The following DCST2 variants were observed in gnomAD, a reference collection of about 807,000 sequenced individuals.
The protein encoded by DCST2 is DC-STAMP domain-containing protein 2.
DCST2 carries 64 observed loss-of-function variants against 81.8 expected under a neutral mutation model. That is an observed-to-expected ratio of 0.78 (90% CI 0.64 to 0.96). DCST2 has a LOEUF of 0.96. DCST2 is among the 40% of genes least tolerant of loss of function. The pLI, the probability that DCST2 is intolerant of heterozygous loss-of-function variation, is 0.00. For missense variants in DCST2, 945 were observed against 1,001.4 expected (o/e 0.94, Z 0.76); for synonymous variants, 354 against 402.6 (o/e 0.88, Z 1.44).
In DCST2 at chr1:155,031,907, C is replaced by CACTA. The variant is rs1660097939; in HGVS notation, c.542-140_542-137dup. ...ACCTGGCTGTGCTGTGTCCAGTGAA[C>CACTA]ACTAGCCAGCGCCCAGAAGGGGCCC... On this transcript the variant is annotated intron_variant, in intron 3 of 14. Transcript: ENST00000368424. The CACTA allele has an allele frequency of 1.1e-5, 10 of 900,440 alleles. No homozygotes were observed. In the Admixed American group the frequency reaches 1.1e-4, roughly 10 times the overall value. 55.8% of individuals were successfully genotyped at this position (900,440 alleles called of 1,614,324 possible). A position where few individuals can be genotyped will look rare whatever the true frequency, so the allele number is the denominator to read the frequency against.
chr1:155,023,374 C>T lies in DCST2; in HGVS notation c.1954G>A (p.Asp652Asn). Residue 652 changes from aspartate (D) to asparagine (N), a missense_variant, in exon 13 of 15, where the codon GAC (aspartate) becomes AAC (asparagine). Coordinates refer to ENST00000368424, the MANE Select transcript of DCST2 (RefSeq NM_144622.3). ...ASPLSYQGDL[D>N]LELDSSDEEG... Reference sequence around the variant, plus strand: ...CACTGAAAGACTCACAGCTCCAGGTCCAGGTCCCCCTGGTAGGAGAGGGGA... The same window carrying T: ...CACTGAAAGACTCACAGCTCCAGGTTCAGGTCCCCCTGGTAGGAGAGGGGA... 1 of 1,608,842 alleles carries T rather than the reference C, an allele frequency of 6.2e-7. No homozygotes were observed. Among genetic ancestry groups the T allele is most frequent in the Non-Finnish European group, 8.5e-7 (1 of 1,177,512 alleles).
At chr1:155,024,419 C>T (rs145318646) in intron 11 of DCST2, 53 bp downstream of exon 11, 36,185 of 1,503,444 alleles carry the variant, frequency 0.024, 504 homozygotes, top group Non-Finnish European at 0.027. Context: ...CAACTCCTGG[C>T]TCTTTTTCTA....
chr1:155,026,839 G>A (rs999245720), intron 8 of DCST2, 124 bp from the exon 9 acceptor site: 7 of 1,145,086 alleles, frequency 6.1e-6, no homozygotes, highest in Non-Finnish European at 8.7e-6. Context: ...TTGGCTGGGG[G>A]CCTCTGATGC....
chr1:155,021,964 T>G (rs1659770009), intron 14 of DCST2, among the ~76,000 whole-genome samples: 1 of 151,788 alleles, frequency 6.6e-6, no homozygotes, highest in African/African-American at 2.4e-5. Context: ...CCTCCTGGGT[T>G]CAAGCAATTC....
intron 8 of DCST2, among the ~76,000 whole-genome samples, 161 bp downstream of exon 8, chr1:155,029,072 C>A (rs887679656): frequency 6.6e-6 from 1 of 152,018 alleles, no homozygotes; most frequent in Non-Finnish European, 1.5e-5. Context: ...AAGAGTGGCA[C>A]ACTTGTGGGC....
chr1:155,032,428 G>A (rs1257650317), intron 3 of DCST2, among the ~76,000 whole-genome samples: 2 of 152,098 alleles, frequency 1.3e-5, no homozygotes, highest in Non-Finnish European at 2.9e-5. Flanking sequence ...AGCCTCCCCA[G>A]TAGCTGGGAC....
chr1:155,023,511 T>C (rs1659812326), intron 12 of DCST2, 54 bp from the exon 13 acceptor site: 23 of 1,551,260 alleles, frequency 1.5e-5, no homozygotes, highest in Non-Finnish European at 2.0e-5. Flanking sequence ...ACCCACCCTC[T>C]GTGCTTCCTG....
At chr1:155,025,263 T>C (rs1361235043) in intron 10 of DCST2, among the ~76,000 whole-genome samples, 1 of 152,072 alleles carries the variant, frequency 6.6e-6, no homozygotes, top group Non-Finnish European at 1.5e-5. Flanking sequence ...GATAGGGGAA[T>C]ACAGTACATG....
chr1:155,033,660 T>TC lies in DCST2; in HGVS notation c.41dup (p.Glu15ArgfsTer4), dbSNP rs752911803. On this transcript the variant is annotated frameshift_variant, in exon 1 of 15. Transcript: ENST00000368424. LOFTEE classifies it high-confidence loss of function. ...CAGCTCTCGCCATGCTAGGCTCCTC[T>TC]CCCCCCAAGGGGTGCACAACATCCT... is the stretch of plus-strand genomic sequence containing the variant. 1.2e-6 allele frequency: 2 copies of TC among 1,614,024 alleles called. No homozygotes were observed. The highest frequency in any genetic ancestry group is 1.3e-5 in the African/African-American group (1 of 74,998).
At position 155,033,455 on chromosome 1, in the gene DCST2, G is replaced by T; in HGVS notation, c.247C>A (p.Leu83Met). 1 of 1,613,838 alleles carries T rather than the reference G, an allele frequency of 6.2e-7. No individual in the cohort carries two copies. The highest frequency in any genetic ancestry group is 8.5e-7 in the Non-Finnish European group (1 of 1,179,794). Residue 83 changes from leucine to methionine, a missense_variant, in exon 1 of 15, where the codon CTG (leucine) becomes ATG (methionine). Leu to Met is a conservative substitution (Grantham distance 15, BLOSUM62 2). Transcript: ENST00000368424. ...SRQVRATVLL[L>M]LPQAFSRQGR... The stretch of plus-strand genomic sequence containing the variant: ...TCACTGGAGAAGGCCTGAGGCAGCA[G>T]CAGGAGGACAGTGGCTCGGACCTGG...
chr1:155,032,831 G>T, intron 2 of DCST2, 63 bp from the exon 3 acceptor site: 2 of 1,463,550 alleles, frequency 1.4e-6, no homozygotes, highest in East Asian at 2.3e-5. Flanking sequence ...TCTCACCATT[G>T]CCCCTTAAGC....
intron 8 of DCST2, among the ~76,000 whole-genome samples, chr1:155,027,042 T>G (rs1346009798): frequency 6.6e-6 from 1 of 151,932 alleles, no homozygotes; most frequent in African/African-American, 2.4e-5. Context: ...TTTTTTTAAT[T>G]TATTTTTTGA....
chr1:155,031,744 C>T lies in DCST2; in HGVS notation c.569G>A (p.Trp190Ter). The T allele has an allele frequency of 6.2e-7, 1 of 1,614,042 alleles. No individual in the cohort carries two copies. Among genetic ancestry groups the T allele is most frequent in the Non-Finnish European group, 8.5e-7 (1 of 1,180,038 alleles). The change falls in exon 4 of 15, where the codon TGG (tryptophan) becomes TAG (stop). Residue 190 changes from tryptophan to a stop codon, truncating the protein, a stop_gained. Transcript: ENST00000368424. LOFTEE classifies it high-confidence loss of function. ...GCACACATCGCCGATGTGCAGGAGCCACTGCCACACATTCCGGAGAGCCCT... is the reference window on the plus strand; with the variant it reads ...GCACACATCGCCGATGTGCAGGAGCTACTGCCACACATTCCGGAGAGCCCT... ...IARALRNVWQ[W>*]LLHIGDVCNS...
At chr1:155,021,508 C>T (rs1659756157) in intron 14 of DCST2, among the ~76,000 whole-genome samples, 1 of 151,900 alleles carries the variant, frequency 6.6e-6, no homozygotes, top group South Asian at 2.1e-4. Context: ...CTCCCACTCT[C>T]CTGCCATGCC....
intron 4 of DCST2, 149 bp from the exon 5 acceptor site, chr1:155,031,383 C>G: frequency 9.5e-7 from 1 of 1,051,468 alleles, no homozygotes; most frequent in Non-Finnish European, 1.4e-6. Flanking sequence ...CCCTGTCGCC[C>G]TTCTCTCCCA....
intron 10 of DCST2, 35 bp from the exon 11 acceptor site, chr1:155,024,637 G>T: frequency 6.4e-7 from 1 of 1,550,896 alleles, no homozygotes; most frequent in South Asian, 1.2e-5. Flanking sequence ...GGTCCCACTT[G>T]ACCCTGTTTT....
rs114853794 is a variant in DCST2, at chr1:155,033,539, A to C, written c.163T>G (p.Cys55Gly). The C allele has an allele frequency of 8.0e-4, 1,299 of 1,614,086 alleles. 12 individuals are homozygous for C. The African/African-American group carries it at 0.016, about 20-fold the overall frequency. The change falls in exon 1 of 15, where the codon TGC becomes GGC. Residue 55 changes from cysteine to glycine, a missense_variant. Cys to Gly is a radical substitution (Grantham distance 159, BLOSUM62 -3). Transcript: ENST00000368424. Reference protein sequence around the residue: ...LLVEGHSPWGCLVGTLTLAAF... With the variant: ...LLVEGHSPWGGLVGTLTLAAF... ...GCCAAAGTGAGGGTGCCCACCAGGCAACCCCAGGGGCTGTGGCCTTCCACC... is the reference window on the plus strand; with the variant it reads ...GCCAAAGTGAGGGTGCCCACCAGGCCACCCCAGGGGCTGTGGCCTTCCACC...
At chr1:155,032,104 C>T (rs1660107793) in intron 3 of DCST2, among the ~76,000 whole-genome samples, 1 of 152,176 alleles carries the variant, frequency 6.6e-6, no homozygotes, top group African/African-American at 2.4e-5. Context: ...AGAGATTCTC[C>T]TGCCTCAGCC....
At chr1:155,019,626 G>A (rs1659688005) in intron 14 of DCST2, among the ~76,000 whole-genome samples, 1 of 152,126 alleles carries the variant, frequency 6.6e-6, no homozygotes, top group African/African-American at 2.4e-5. Flanking sequence ...TGCCCCCAGG[G>A]GCCTTAGCCC....
Sources: allele counts gnomAD v4.1 joint callset (sites outside exome capture counted in the v4.1 genomes callset), GRCh38; gene constraint gnomAD v4.1.1; transcripts MANE v1.5; gene names NCBI Gene and HGNC (gene_info 2026-07-23, HGNC 2026-07-21).